Variants in OSBP2 observed in about 807,000 individuals in gnomAD.
OSBP2 encodes oxysterol-binding protein 2.
In OSBP2, 66 loss-of-function variants were observed where a neutral mutation model predicts 96.0. The ratio of observed to expected loss-of-function variants is 0.69; its 90% CI spans 0.56 to 0.84. OSBP2 has a LOEUF of 0.84. OSBP2 is among the 40% of genes least tolerant of loss of function. The pLI is 0.00. For missense variants in OSBP2, 1,038 were observed against 1,222.7 expected, an observed-to-expected ratio of 0.85 and a Z score of 2.25; for synonymous variants, 525 against 520.9, an observed-to-expected ratio of 1.01 and a Z score of -0.11.
Position 30,694,982 on chromosome 22 carries a change from A to C in OSBP2, c.73A>C (p.Thr25Pro). 1 of 1,544,962 alleles carries C rather than the reference A, an allele frequency of 6.5e-7. No individual in the cohort carries two copies. The highest frequency in any genetic ancestry group is 8.7e-7 in the Non-Finnish European group (1 of 1,152,248). ...CTCCCGCGGGCTCTCGTCGCTGTTCACGGTTGTCCCCTGCCTGTCGTGCCA... is the reference window on the plus strand; with the variant it reads ...CTCCCGCGGGCTCTCGTCGCTGTTCCCGGTTGTCCCCTGCCTGTCGTGCCA... ...GRSRGLSSLF[T>P]VVPCLSCHTA... The change falls in exon 1 of 14, where the codon ACG becomes CCG. Residue 25 changes from threonine to proline, a missense_variant. This residue lies in a region of OSBP2 where 281 missense variants were observed against 273.4 expected (regional missense o/e 1.03). Coordinates refer to ENST00000332585, the MANE Select transcript of OSBP2 (RefSeq NM_030758.4).
At chr22:30,778,170 C>CATTTTTTT (rs1569119450) in intron 2 of OSBP2, among the ~76,000 whole-genome samples, 1 of 67,018 alleles carries the variant, frequency 1.5e-5, no homozygotes, top group East Asian at 4.2e-4. Flanking sequence ...AATTTTTGCC[C>CATTTTTTT]TTTTTTTTTT....
intron 1 of OSBP2, among the ~76,000 whole-genome samples, chr22:30,737,581 G>A (rs954313791): frequency 1.3e-5 from 2 of 151,754 alleles, no homozygotes; most frequent in Admixed American, 1.3e-4. Flanking sequence ...CTCCCACCTT[G>A]GCCTCCTAAA....
At chr22:30,721,189 G>A (rs1250596984) in intron 1 of OSBP2, among the ~76,000 whole-genome samples, 1 of 152,178 alleles carries the variant, frequency 6.6e-6, no homozygotes, top group African/African-American at 2.4e-5. Flanking sequence ...ATGCACCACT[G>A]CACTCCAGCC....
chr22:30,886,972 CATAG>C (rs1309889501), intron 3 of OSBP2, among the ~76,000 whole-genome samples: 1 of 152,116 alleles, frequency 6.6e-6, no homozygotes, highest in Non-Finnish European at 1.5e-5. Flanking sequence ...ATGGCTACTC[CATAG>C]ATAGAGCAGC....
intron 2 of OSBP2, chr22:30,822,797 C>A: frequency 1.7e-6 from 2 of 1,188,852 alleles, no homozygotes; most frequent in Non-Finnish European, 2.3e-6. Flanking sequence ...GTGATCGATC[C>A]ACGGGAGCCT....
intron 2 of OSBP2, among the ~76,000 whole-genome samples, chr22:30,832,969 G>T (rs2038559273): frequency 6.6e-6 from 1 of 152,190 alleles, no homozygotes; most frequent in Non-Finnish European, 1.5e-5. Flanking sequence ...TTACTCTCAT[G>T]GGAAATGTGG....
chr22:30,900,788 A>G (rs1163749910), intron 12 of OSBP2, among the ~76,000 whole-genome samples: 6 of 152,204 alleles, frequency 3.9e-5, no homozygotes, highest in Non-Finnish European at 8.8e-5. Flanking sequence ...ATATTGTTTG[A>G]CTTATTGTAA....
intron 2 of OSBP2, among the ~76,000 whole-genome samples, chr22:30,813,808 C>CA (rs1555915659): frequency 4.3e-4 from 63 of 145,704 alleles, no homozygotes; most frequent in African/African-American, 1.4e-3. Flanking sequence ...GACTTTTTTT[C>CA]TTTTTTTTTT....
At chr22:30,767,321 A>C (rs1015840513) in intron 2 of OSBP2, among the ~76,000 whole-genome samples, 1 of 151,866 alleles carries the variant, frequency 6.6e-6, no homozygotes, top group Non-Finnish European at 1.5e-5. Context: ...CTTAAAAAAA[A>C]AAAATGTTGT....
intron 12 of OSBP2, among the ~76,000 whole-genome samples, chr22:30,903,475 G>A (rs531518295): frequency 6.6e-6 from 1 of 152,370 alleles, no homozygotes; most frequent in East Asian, 1.9e-4. Flanking sequence ...GAAACAGCGA[G>A]AGCTGAAAGT....
chr22:30,744,472 C>G (rs1383589898), intron 2 of OSBP2, among the ~76,000 whole-genome samples: 1 of 152,142 alleles, frequency 6.6e-6, no homozygotes. Context: ...CTGCTTATCT[C>G]TTGAAATCAC....
chr22:30,887,352 C>G, intron 3 of OSBP2, 74 bp from the exon 4 acceptor site: 3 of 1,325,112 alleles, frequency 2.3e-6, no homozygotes, highest in Non-Finnish European at 2.1e-6. Context: ...TGGAGTTGCT[C>G]TGGTTCACAT....
At chr22:30,732,977 G>A (rs911753723) in intron 1 of OSBP2, among the ~76,000 whole-genome samples, 9 of 152,178 alleles carry the variant, frequency 5.9e-5, no homozygotes, top group African/African-American at 1.2e-4. Context: ...GCCAGCACAC[G>A]AGGCATTCAG....
intron 1 of OSBP2, among the ~76,000 whole-genome samples, chr22:30,724,345 G>A (rs767827938): frequency 6.6e-6 from 1 of 152,094 alleles, no homozygotes; most frequent in African/African-American, 2.4e-5. Context: ...AGCCTCCTGG[G>A]TAGCTGGGAT....
chr22:30,905,854 T>A lies in OSBP2; in HGVS notation c.2393T>A (p.Met798Lys). The A allele has an allele frequency of 6.2e-7, 1 of 1,613,124 alleles. No homozygotes were observed. The highest frequency in any genetic ancestry group is 8.5e-7 in the Non-Finnish European group (1 of 1,179,564). The change falls in exon 13 of 14, where the codon ATG becomes AAG. Residue 798 changes from methionine to lysine, a missense_variant. By Grantham distance (95) the Met-to-Lys change is moderately conservative. Around this residue, in one of 3 missense-constraint regions of OSBP2, gnomAD observed 737 missense variants for 913.3 expected, o/e 0.81. Coordinates refer to ENST00000332585, the MANE Select transcript of OSBP2 (RefSeq NM_030758.4). ...CGCCACAGGGAGAACGCGGAGAACA[T>A]GTACTACTTCTCAGAGCTGGCCCTG... ...KYPLPENAEN[M>K]YYFSELALTL...
At chr22:30,696,766 G>C (rs1482876024) in intron 1 of OSBP2, among the ~76,000 whole-genome samples, 3 of 152,134 alleles carry the variant, frequency 2.0e-5, no homozygotes, top group African/African-American at 7.2e-5. Flanking sequence ...CAATTCTTCT[G>C]CCTCAGCCTC....
At chr22:30,742,627 A>C (rs1226341199) in intron 2 of OSBP2, among the ~76,000 whole-genome samples, 1 of 152,134 alleles carries the variant, frequency 6.6e-6, no homozygotes, top group Non-Finnish European at 1.5e-5. Flanking sequence ...CCATTTAGCA[A>C]TATGTCTTGG....
intron 2 of OSBP2, among the ~76,000 whole-genome samples, chr22:30,835,599 C>T (rs1197673923): frequency 6.6e-6 from 1 of 152,020 alleles, no homozygotes; most frequent in Admixed American, 6.6e-5. Flanking sequence ...GCCTGGAGAC[C>T]ATACTGGTAT....
intron 2 of OSBP2, among the ~76,000 whole-genome samples, chr22:30,856,950 C>G (rs141365486): frequency 1.3e-5 from 2 of 152,286 alleles, no homozygotes; most frequent in East Asian, 1.9e-4. Flanking sequence ...TTCTCCCTCT[C>G]GAGGAAAGGG....
Sources: gnomAD v4.1 joint callset for allele counts (sites outside exome capture counted in the v4.1 genomes callset) on GRCh38, gnomAD v4.1.1 for gene constraint, gnomAD v4.1.1 regional missense constraint, MANE v1.5 for transcripts, NCBI Gene and HGNC (gene_info 2026-07-23, HGNC 2026-07-21) for gene names.